Variants in DDX39A observed in about 807,000 individuals in gnomAD.
The protein encoded by DDX39A is DExD-box helicase 39A.
In DDX39A, 13 loss-of-function variants were observed where a neutral mutation model predicts 46.3. The observed-to-expected ratio is 0.28, with a 90% confidence interval of 0.18 to 0.45. The LOEUF is 0.45. DDX39A is among the 20% of genes least tolerant of loss of function. The pLI, the probability that DDX39A is intolerant of heterozygous loss-of-function variation, is 1.00. For missense variants in DDX39A, 352 were observed against 581.8 expected (o/e 0.61, Z 4.06); for synonymous variants, 234 against 224.6 (o/e 1.04, Z -0.38).
Position 14,412,366 on chromosome 19 carries a change from C to A in DDX39A, c.336+185G>T, listed in dbSNP as rs539116661. On this transcript the variant is annotated intron_variant, in intron 3 of 10. Transcript: ENST00000242776. This position sits in a 1 kb window ranked among gnomAD's most constrained non-coding sequence, Gnocchi z 4.4. ...TTTTTTGAGATGGAGTCTACCTCTG[C>A]CACCCAGGCTGGAGTGCAGTGGTGT... The A allele has an allele frequency of 2.3e-5, 15 of 639,360 alleles. No homozygotes were observed. Among genetic ancestry groups the A allele is most frequent in the Non-Finnish European group, 2.2e-5 (9 of 402,712 alleles). 39.6% of individuals were successfully genotyped at this position (639,360 alleles called of 1,614,324 possible).
intron 1 of DDX39A, among the ~76,000 whole-genome samples, chr19:14,414,954 A>G (rs986210092): frequency 1.7e-4 from 26 of 151,566 alleles, no homozygotes; most frequent in South Asian, 4.1e-4. Flanking sequence ...AAAAAAAAAA[A>G]AAAGAAAAGC....
At position 14,412,471 on chromosome 19, in the gene DDX39A, G is replaced by T; in HGVS notation, c.336+80C>A. 1 of 1,531,706 alleles carries T rather than the reference G, an allele frequency of 6.5e-7. No homozygotes were observed. The highest frequency in any genetic ancestry group is 8.8e-7 in the Non-Finnish European group (1 of 1,139,878). 94.9% of individuals were successfully genotyped at this position (1,531,706 alleles called of 1,614,324 possible). On this transcript the variant is annotated intron_variant, in intron 3 of 10. Coordinates refer to ENST00000242776, the MANE Select transcript of DDX39A (RefSeq NM_005804.4). The surrounding 1 kb of genome is among the most constrained non-coding windows in gnomAD (Gnocchi z 4.4). ...AGCTTCCCAAAGCACTGGGCTAACA[G>T]GTGTGAGCCACCCCATCCAGCCTAC...
chr19:14,410,084 G>C lies in DDX39A; in HGVS notation c.732+132C>G, dbSNP rs1288869010. On this transcript the variant is annotated intron_variant, in intron 6 of 10. Coordinates refer to ENST00000242776, the MANE Select transcript of DDX39A (RefSeq NM_005804.4). The surrounding 1 kb of genome is among the most constrained non-coding windows in gnomAD (Gnocchi z 4.3). ...TGACTCCCAGTTTGACAAGACCGAG[G>C]GGAGGAAAGGAGGCTCCGCCGGCTC... is the stretch of plus-strand genomic sequence containing the variant. 2 of 1,041,960 alleles carry C rather than the reference G, an allele frequency of 1.9e-6. No homozygotes were observed. Among genetic ancestry groups the C allele is most frequent in the African/African-American group, 3.1e-5 (2 of 64,112 alleles). 64.5% of individuals were successfully genotyped at this position (1,041,960 alleles called of 1,614,324 possible).
chr19:14,409,664 G>A lies in DDX39A; in HGVS notation c.865-19C>T, dbSNP rs759329953. On this transcript the variant is annotated intron_variant, in intron 7 of 10. Coordinates refer to ENST00000242776, the MANE Select transcript of DDX39A (RefSeq NM_005804.4). This position sits in a 1 kb window ranked among gnomAD's most constrained non-coding sequence, Gnocchi z 8.3. The stretch of plus-strand genomic sequence containing the variant: ...TTATCACCTGAGGGAAGGAGTGGCA[G>A]TCAGGGCCACACAGTCCCTGTGGCC... The A allele has an allele frequency of 6.2e-7, 1 of 1,609,040 alleles. No homozygotes were observed.
Position 14,408,955 on chromosome 19 carries a change from G to GT in DDX39A, c.1268-4dup. 2.5e-6 allele frequency: 4 copies of GT among 1,604,574 alleles called. No individual in the cohort carries two copies. The highest frequency in any genetic ancestry group is 1.1e-5 in the South Asian group (1 of 90,330). ...TGGTGGTTACCGGCTCTGCTCGACTGTAAGACATGAGATGCAGTGAACTGA... is the reference window on the plus strand; with the variant it reads ...TGGTGGTTACCGGCTCTGCTCGACTGTTAAGACATGAGATGCAGTGAACTGA... On this transcript the variant is annotated splice_region_variant and splice_polypyrimidine_tract_variant and intron_variant, in intron 10 of 10. Coordinates refer to ENST00000242776, the MANE Select transcript of DDX39A (RefSeq NM_005804.4).
chr19:14,409,682 C>T lies in DDX39A; in HGVS notation c.865-37G>A, dbSNP rs376132514. 1,064 of 1,610,766 alleles carry T rather than the reference C, an allele frequency of 6.6e-4. 8 individuals are homozygous for T. Among genetic ancestry groups the T allele is most frequent in the Middle Eastern group, 2.5e-3 (15 of 6,054 alleles). On this transcript the variant is annotated intron_variant, in intron 7 of 10. Transcript: ENST00000242776. This position sits in a 1 kb window ranked among gnomAD's most constrained non-coding sequence, Gnocchi z 8.3. ...AGTGGCAGTCAGGGCCACACAGTCC[C>T]TGTGGCCCAGTGACCTCCCGAAGGT...
intron 1 of DDX39A, chr19:14,416,014 C>G (rs866166361): frequency 6.5e-6 from 1 of 153,876 alleles, no homozygotes; most frequent in Admixed American, 6.6e-5. Context: ...TGCAGAGAGC[C>G]GAGATCACAC....
At chr19:14,418,928 C>A (rs764810279) in intron 1 of DDX39A, 1 of 456,234 alleles carries the variant, frequency 2.2e-6, no homozygotes, top group South Asian at 1.5e-5. Flanking sequence ...CCCGGCGTCA[C>A]CCCCTCGTCC....
Position 14,410,389 on chromosome 19 carries a change from C to T in DDX39A, c.614-55G>A. 1 of 1,480,950 alleles carries T rather than the reference C, an allele frequency of 6.8e-7. No homozygotes were observed. The highest frequency in any genetic ancestry group is 9.4e-7 in the Non-Finnish European group (1 of 1,062,378). The allele number at this position is 1,480,950 out of a possible 1,614,324, so 91.7% of individuals were successfully genotyped here. A position where few individuals can be genotyped will look rare whatever the true frequency, so the allele number is the denominator to read the frequency against. ...CATGAGCGTCTGCCATGCAGGACCCCCACCCCAGACCAGACCCAGACCCCT... is the reference window on the plus strand; with the variant it reads ...CATGAGCGTCTGCCATGCAGGACCCTCACCCCAGACCAGACCCAGACCCCT... On this transcript the variant is annotated intron_variant, in intron 5 of 10. Coordinates refer to ENST00000242776, the MANE Select transcript of DDX39A (RefSeq NM_005804.4). The surrounding 1 kb of genome is among the most constrained non-coding windows in gnomAD (Gnocchi z 4.3).
intron 1 of DDX39A, among the ~76,000 whole-genome samples, chr19:14,414,513 G>A (rs1976727453): frequency 6.7e-6 from 1 of 149,806 alleles, no homozygotes; most frequent in South Asian, 2.1e-4. Context: ...ACCATGCCCA[G>A]CTAATTTTTG....
At chr19:14,417,609 A>C (rs1976862903) in intron 1 of DDX39A, among the ~76,000 whole-genome samples, 1 of 152,180 alleles carries the variant, frequency 6.6e-6, no homozygotes, top group Non-Finnish European at 1.5e-5. Flanking sequence ...CGTTGTGCAC[A>C]TGTACCCTAA....
intron 1 of DDX39A, 47 bp from the exon 2 acceptor site, chr19:14,413,271 G>C: frequency 6.5e-7 from 1 of 1,535,434 alleles, no homozygotes; most frequent in African/African-American, 1.4e-5. Context: ...ACAGAAGGAT[G>C]ATGAAGCTTC....
Position 14,412,936 on chromosome 19 carries a change from G to A in DDX39A, c.208+77C>T, listed in dbSNP as rs771192244. 2.9e-5 allele frequency: 44 copies of A among 1,498,572 alleles called. No individual in the cohort carries two copies. Among genetic ancestry groups the A allele is most frequent in the Non-Finnish European group, 3.5e-5 (39 of 1,102,868 alleles). 92.8% of individuals were successfully genotyped at this position (1,498,572 alleles called of 1,614,324 possible). On this transcript the variant is annotated intron_variant, in intron 2 of 10. Coordinates refer to ENST00000242776, the MANE Select transcript of DDX39A (RefSeq NM_005804.4). The surrounding 1 kb of genome is among the most constrained non-coding windows in gnomAD (Gnocchi z 4.4). ...CCCTCACCCACGGCAAACTGGAGGC[G>A]GCACCGCTCTGGGCGGGCAGGGCTG...
intron 1 of DDX39A, among the ~76,000 whole-genome samples, chr19:14,418,523 T>C (rs1243191816): frequency 6.6e-6 from 1 of 152,118 alleles, no homozygotes; most frequent in African/African-American, 2.4e-5. Context: ...AGTGTCGCGA[T>C]CTCGGCTCAC....
At position 14,408,833 on chromosome 19, in the gene DDX39A, G is replaced by A; in HGVS notation, c.*103C>T. 6.8e-7 allele frequency: 1 copy of A among 1,480,398 alleles called. No homozygotes were observed. Among genetic ancestry groups the A allele is most frequent in the Non-Finnish European group, 9.0e-7 (1 of 1,107,968 alleles). The allele number at this position is 1,480,398 out of a possible 1,614,324, so 91.7% of individuals were successfully genotyped here. ...GGGAGCCAGGCTTCCATAATAACAA[G>A]TTTATTCTCATACAATCTCTAGCTT... On this transcript the variant is annotated 3_prime_UTR_variant, in exon 11 of 11. Transcript: ENST00000242776.
intron 1 of DDX39A, among the ~76,000 whole-genome samples, chr19:14,414,638 C>T (rs1027940346): frequency 2.0e-5 from 3 of 148,690 alleles, no homozygotes; most frequent in Admixed American, 1.3e-4. Flanking sequence ...TGTGAGCCAC[C>T]GCGCCTGGCC....
At position 14,409,936 on chromosome 19, in the gene DDX39A, G is replaced by A. The variant is rs745318006; in HGVS notation, c.733-63C>T. On this transcript the variant is annotated intron_variant, in intron 6 of 10. Coordinates refer to ENST00000242776, the MANE Select transcript of DDX39A (RefSeq NM_005804.4). The surrounding 1 kb of genome is among the most constrained non-coding windows in gnomAD (Gnocchi z 8.3). ...CACCTCTGGGCATCTCGCCTGCCCA[G>A]AACCTTCCAGTGGGCGACTCCTTTG... 1.3e-6 allele frequency: 2 copies of A among 1,596,682 alleles called. No individual in the cohort carries two copies. Among genetic ancestry groups the A allele is most frequent in the East Asian group, 2.2e-5 (1 of 44,836 alleles).
rs1409142959 is a variant in DDX39A at position 14,410,080 on chromosome 19, C to T, written c.732+136G>A. The T allele has an allele frequency of 9.2e-5, 95 of 1,033,226 alleles. No homozygotes were observed. Among genetic ancestry groups the T allele is most frequent in the Non-Finnish European group, 1.2e-4 (80 of 669,684 alleles). 64.0% of individuals were successfully genotyped at this position (1,033,226 alleles called of 1,614,324 possible). On this transcript the variant is annotated intron_variant, in intron 6 of 10. Coordinates refer to ENST00000242776, the MANE Select transcript of DDX39A (RefSeq NM_005804.4). This position sits in a 1 kb window ranked among gnomAD's most constrained non-coding sequence, Gnocchi z 4.3. ...AGCTTGACTCCCAGTTTGACAAGACCGAGGGGAGGAAAGGAGGCTCCGCCG... is the reference window on the plus strand; with the variant it reads ...AGCTTGACTCCCAGTTTGACAAGACTGAGGGGAGGAAAGGAGGCTCCGCCG...
intron 1 of DDX39A, among the ~76,000 whole-genome samples, chr19:14,414,936 T>TAAAAA (rs1006829482): frequency 3.7e-4 from 27 of 72,686 alleles, no homozygotes; most frequent in East Asian, 1.2e-3. Context: ...CACTCCAGCC[T>TAAAAA]AAAAAAAAAA....
Sources: allele counts gnomAD v4.1 joint callset (sites outside exome capture counted in the v4.1 genomes callset), GRCh38; gene constraint gnomAD v4.1.1; non-coding constraint Gnocchi (gnomAD v3.1); transcripts MANE v1.5; gene names NCBI Gene and HGNC (gene_info 2026-07-23, HGNC 2026-07-21).